The following GALNT14 variants were observed in gnomAD, a reference collection of about 807,000 sequenced individuals.
The protein encoded by GALNT14 is UDP-GalNAc:polypeptide N-acetylgalactosaminyltransferase 14.
GALNT14 carries 60 observed loss-of-function variants against 77.5 expected under a neutral mutation model. That is an observed-to-expected ratio of 0.77 (90% confidence interval 0.63 to 0.96). The LOEUF is 0.96. Among genes scored for constraint, GALNT14 ranks in the 40% least tolerant of loss-of-function variants. The probability of loss-of-function intolerance (pLI) is 0.00; values close to 1 mark genes in which losing one functional copy is unlikely to be tolerated. For synonymous variants in GALNT14, 280 were observed against 281.7 expected (o/e 0.99, Z 0.06); for missense variants, 710 against 731.0 (o/e 0.97, Z 0.33).
chr2:31,123,243 A>G (rs942747689), intron 1 of GALNT14, among the ~76,000 whole-genome samples: 1 of 151,904 alleles, frequency 6.6e-6, no homozygotes, highest in Admixed American at 6.6e-5. Flanking sequence ...ATGTATTAAT[A>G]ATTTTCATGT....
At position 31,040,447 on chromosome 2, in the gene GALNT14, T is replaced by C. The variant is rs565151858; in HGVS notation, c.130-47440A>G. On this transcript the variant is annotated intron_variant, in intron 1 of 14. Coordinates refer to ENST00000349752, the MANE Select transcript of GALNT14 (RefSeq NM_024572.4). ...GGGAGTAGGTCTTGAGAAGGGTCCC[T>C]GAGGCTGAGAAGGGCCTGGTTTCTG... Among the ~76,000 whole-genome samples the C allele has an allele frequency of 2.6e-5, 4 of 152,280 alleles. No individual in the cohort carries two copies. The East Asian group carries it at 5.8e-4, about 22-fold the overall frequency.
chr2:30,890,106 G>A, the GALNT14 span, among the ~76,000 whole-genome samples: 7,894 of 152,146 alleles, frequency 0.052, 713 homozygotes, highest in African/African-American at 0.18. Context: ...TCAATATCAC[G>A]ATTTGCCACA....
intron 1 of GALNT14, among the ~76,000 whole-genome samples, chr2:31,060,905 G>T (rs1167593024): frequency 1.3e-5 from 2 of 152,200 alleles, no homozygotes; most frequent in Non-Finnish European, 2.9e-5. Flanking sequence ...ATGGCCACAG[G>T]ACTGACGGAG....
intron 10 of GALNT14, among the ~76,000 whole-genome samples, chr2:30,930,006 C>T (rs773046551): frequency 2.3e-4 from 35 of 152,322 alleles, no homozygotes; most frequent in Admixed American, 1.2e-3. Flanking sequence ...CATGTGGGTG[C>T]TCAGAAAGTT....
chr2:31,053,263 T>C (rs1231240818), intron 1 of GALNT14, among the ~76,000 whole-genome samples: 1 of 152,076 alleles, frequency 6.6e-6, no homozygotes, highest in Non-Finnish European at 1.5e-5. Context: ...CCCAACATAA[T>C]AGGTAGAGAA....
At chr2:31,071,587 G>A (rs1675370584) in intron 1 of GALNT14, among the ~76,000 whole-genome samples, 1 of 152,034 alleles carries the variant, frequency 6.6e-6, no homozygotes, top group Non-Finnish European at 1.5e-5. Context: ...TTCTGTCACT[G>A]TGTGTCCCGG....
At chr2:30,986,165 C>T (rs540673930) in intron 2 of GALNT14, among the ~76,000 whole-genome samples, 68 of 152,254 alleles carry the variant, frequency 4.5e-4, no homozygotes, top group Non-Finnish European at 9.1e-4. Context: ...ACTGTCTGAG[C>T]CATTTAGCAC....
At chr2:31,034,110 A>T (rs1672571815) in intron 1 of GALNT14, among the ~76,000 whole-genome samples, 1 of 152,174 alleles carries the variant, frequency 6.6e-6, no homozygotes, top group Admixed American at 6.5e-5. Context: ...GCCAGGACTT[A>T]ACTCAGTTTC....
At chr2:30,987,513 G>A (rs1303633692) in intron 2 of GALNT14, among the ~76,000 whole-genome samples, 1 of 152,166 alleles carries the variant, frequency 6.6e-6, no homozygotes, top group African/African-American at 2.4e-5. Context: ...GGACTTCACA[G>A]GCGAAGAACC....
At chr2:31,074,057 G>T (rs938197087) in intron 1 of GALNT14, among the ~76,000 whole-genome samples, 1 of 152,186 alleles carries the variant, frequency 6.6e-6, no homozygotes. Flanking sequence ...TGTGAGTTGA[G>T]GAGTTAGAAG....
chr2:30,992,757 G>A, intron 2 of GALNT14, 81 bp downstream of exon 2: 6 of 1,477,178 alleles, frequency 4.1e-6, no homozygotes, highest in Admixed American at 1.7e-5. Flanking sequence ...CACTGGTGCT[G>A]CATACAGCAG....
At chr2:30,989,113 G>A (rs1669498870) in intron 2 of GALNT14, among the ~76,000 whole-genome samples, 1 of 152,120 alleles carries the variant, frequency 6.6e-6, no homozygotes, top group Non-Finnish European at 1.5e-5. Context: ...CCCTGGCTGG[G>A]GAGCTTAGAA....
chr2:31,137,817 T>C (rs146507114), intron 1 of GALNT14, 141 bp downstream of exon 1: 15,250 of 1,061,826 alleles, frequency 0.014, 159 homozygotes, highest in Non-Finnish European at 0.016. Flanking sequence ...CATCACATGG[T>C]AGCCACATCC....
Position 31,080,182 on chromosome 2 carries a change from A to T in GALNT14, c.129+57776T>A, listed in dbSNP as rs576789228. On this transcript the variant is annotated intron_variant, in intron 1 of 14. Coordinates refer to ENST00000349752, the MANE Select transcript of GALNT14 (RefSeq NM_024572.4). ...AACTCAAGTGGGTCTGGCCACCTGA[A>T]AATTGGACTGATACTCAGCACCTTA... Among the ~76,000 whole-genome samples the T allele has an allele frequency of 1.1e-4, 16 of 152,364 alleles. No individual in the cohort carries two copies. The East Asian group carries it at 2.9e-3, about 28-fold the overall frequency.
chr2:30,961,908 G>GT (rs1336878604), intron 3 of GALNT14, among the ~76,000 whole-genome samples: 1 of 152,038 alleles, frequency 6.6e-6, no homozygotes, highest in Non-Finnish European at 1.5e-5. Flanking sequence ...AGCCAGGCTG[G>GT]TCTTGATCTC....
intron 2 of GALNT14, among the ~76,000 whole-genome samples, chr2:30,978,291 C>T (rs948509527): frequency 2.6e-5 from 4 of 152,234 alleles, no homozygotes; most frequent in Non-Finnish European, 4.4e-5. Context: ...CTCCACATGG[C>T]CGCCTGGTAT....
At chr2:31,099,022 G>A (rs2148610468) in intron 1 of GALNT14, among the ~76,000 whole-genome samples, 1 of 152,124 alleles carries the variant, frequency 6.6e-6, no homozygotes, top group Non-Finnish European at 1.5e-5. Flanking sequence ...CTGTATATAA[G>A]TGAATCTGCA....
chr2:30,962,669 C>T lies in GALNT14; in HGVS notation c.398+3535G>A, dbSNP rs544781551. Among the ~76,000 whole-genome samples, 7 of 152,326 alleles carry T rather than the reference C, an allele frequency of 4.6e-5. No homozygotes were observed. In the East Asian group the frequency reaches 1.4e-3, roughly 29 times the overall value. On this transcript the variant is annotated intron_variant, in intron 3 of 14. Transcript: ENST00000349752. The stretch of plus-strand genomic sequence containing the variant: ...ATCTGTGTGCCCGATTGAGCCTCTA[C>T]CTGGCTCTGAGTTCCCCACGTGAGC...
At chr2:31,102,579 A>G (rs2148615256) in intron 1 of GALNT14, among the ~76,000 whole-genome samples, 1 of 152,266 alleles carries the variant, frequency 6.6e-6, no homozygotes, top group East Asian at 1.9e-4. Flanking sequence ...TAGATGGTCA[A>G]TATTTGTGAA....
Sources: allele counts gnomAD v4.1 joint callset (sites outside exome capture counted in the v4.1 genomes callset), GRCh38; gene constraint gnomAD v4.1.1; transcripts MANE v1.5; gene names NCBI Gene and HGNC (gene_info 2026-07-23, HGNC 2026-07-21).